ARMC9: variants seen among roughly 807,000 people sequenced by gnomAD.
ARMC9 encodes lisH domain-containing protein ARMC9.
Under a neutral mutation model 107.0 loss-of-function variants are expected in ARMC9, and 94 were observed. The ratio of observed to expected loss-of-function variants is 0.88; its 90% confidence interval spans 0.74 to 1.04. The LOEUF (loss-of-function observed/expected upper bound fraction) is 1.04. ARMC9 is among the 50% of genes least tolerant of loss of function. The pLI, the probability that ARMC9 is intolerant of heterozygous loss-of-function variation, is 0.00. For missense variants in ARMC9, 942 were observed against 1,030.1 expected (o/e 0.91, Z 1.17); for synonymous variants, 380 against 396.9 (o/e 0.96, Z 0.51).
rs559002311 is a variant in ARMC9, at chr2:231,366,960, C to G, written c.2262-2993C>G. Among the ~76,000 whole-genome samples the G allele has an allele frequency of 8.6e-5, 13 of 150,948 alleles. No homozygotes were observed. The East Asian group carries it at 2.2e-3, about 26-fold the overall frequency. On this transcript the variant is annotated intron_variant, in intron 23 of 24. Coordinates refer to ENST00000611582, the MANE Select transcript of ARMC9 (RefSeq NM_001352754.2). ...CTGCCTCCCGGGTTCACGCCATTCT[C>G]CTGCCTCAGCCTCCCGAGTAGCTGG...
At chr2:231,361,339 G>A (rs1030294264) in intron 23 of ARMC9, among the ~76,000 whole-genome samples, 14 of 151,334 alleles carry the variant, frequency 9.3e-5, no homozygotes, top group Admixed American at 5.9e-4. Flanking sequence ...GGTGGCGCAC[G>A]CCTGTAATCC....
At chr2:231,307,682 C>T (rs561164931) in intron 19 of ARMC9, among the ~76,000 whole-genome samples, 2 of 152,316 alleles carry the variant, frequency 1.3e-5, no homozygotes, top group South Asian at 2.1e-4. Flanking sequence ...CCCAAACCCC[C>T]CTTCTTGGTT....
At chr2:231,236,248 G>A (rs1249097936) in intron 8 of ARMC9, among the ~76,000 whole-genome samples, 1 of 152,118 alleles carries the variant, frequency 6.6e-6, no homozygotes, top group Non-Finnish European at 1.5e-5. Context: ...CATTAATCTT[G>A]GGTTTTTTGA....
intron 12 of ARMC9, among the ~76,000 whole-genome samples, chr2:231,265,874 G>T (rs2038812309): frequency 6.6e-6 from 1 of 151,858 alleles, no homozygotes; most frequent in Non-Finnish European, 1.5e-5. Context: ...CATGTATGGT[G>T]GTGTGCACCT....
At chr2:231,228,878 G>A (rs1177927907) in intron 7 of ARMC9, among the ~76,000 whole-genome samples, 1 of 151,988 alleles carries the variant, frequency 6.6e-6, no homozygotes, top group Non-Finnish European at 1.5e-5. Flanking sequence ...TGCAGCTCAT[G>A]TCCCCCTAGC....
chr2:231,347,678 T>G (rs886242461), intron 21 of ARMC9, among the ~76,000 whole-genome samples: 1 of 152,200 alleles, frequency 6.6e-6, no homozygotes, highest in Admixed American at 6.5e-5. Context: ...GCTCATTATT[T>G]CTCCACTGAT....
chr2:231,325,007 T>C (rs141640609), intron 19 of ARMC9, among the ~76,000 whole-genome samples: 40 of 152,092 alleles, frequency 2.6e-4, no homozygotes, highest in African/African-American at 9.4e-4. Flanking sequence ...GTGGATCACT[T>C]GAGCTCAAGA....
intron 3 of ARMC9, among the ~76,000 whole-genome samples, chr2:231,211,984 G>T (rs924188600): frequency 4.6e-5 from 7 of 152,002 alleles, no homozygotes; most frequent in African/African-American, 1.7e-4. Flanking sequence ...AAAATGCCTG[G>T]GTTGAATGAA....
intron 12 of ARMC9, among the ~76,000 whole-genome samples, chr2:231,264,295 C>T (rs1457582610): frequency 6.6e-6 from 1 of 152,094 alleles, no homozygotes; most frequent in Admixed American, 6.5e-5. Flanking sequence ...TCTCCTGCCT[C>T]AGCCTCCCAA....
chr2:231,293,279 G>T (rs79129552), intron 18 of ARMC9, among the ~76,000 whole-genome samples: 2 of 152,258 alleles, frequency 1.3e-5, no homozygotes, highest in East Asian at 1.9e-4. Flanking sequence ...CTGAACCTCA[G>T]TGCTGCCTGA....
At chr2:231,221,250 T>G (rs1228102155) in intron 5 of ARMC9, among the ~76,000 whole-genome samples, 1 of 152,232 alleles carries the variant, frequency 6.6e-6, no homozygotes, top group African/African-American at 2.4e-5. Context: ...CATTGTCCCA[T>G]GGCCGTCTTC....
chr2:231,321,156 A>G (rs2042976016), intron 19 of ARMC9, among the ~76,000 whole-genome samples: 1 of 152,274 alleles, frequency 6.6e-6, no homozygotes, highest in Non-Finnish European at 1.5e-5. Context: ...GTCAAGTGCC[A>G]GGCAGACTCA....
intron 10 of ARMC9, 65 bp from the exon 11 acceptor site, chr2:231,258,926 C>A: frequency 7.2e-7 from 1 of 1,388,240 alleles, no homozygotes. Flanking sequence ...TCATAATGCT[C>A]AGGAGGTGTA....
At chr2:231,206,312 A>T in intron 2 of ARMC9, 23 bp downstream of exon 2, 1 of 1,597,068 alleles carries the variant, frequency 6.3e-7, no homozygotes, top group Non-Finnish European at 8.6e-7. Flanking sequence ...TACAAAGCAG[A>T]GGTCACAGAG....
chr2:231,250,837 C>T (rs1310912895), intron 9 of ARMC9, among the ~76,000 whole-genome samples: 2 of 152,214 alleles, frequency 1.3e-5, no homozygotes, highest in African/African-American at 2.4e-5. Flanking sequence ...CTTTGGGACC[C>T]GACTGCCTGA....
intron 10 of ARMC9, among the ~76,000 whole-genome samples, chr2:231,256,987 G>T (rs1340107425): frequency 6.6e-6 from 1 of 152,114 alleles, no homozygotes; most frequent in African/African-American, 2.4e-5. Flanking sequence ...GGCTAATTTT[G>T]TATTTTTAAT....
chr2:231,232,315 C>T (rs956857351), intron 7 of ARMC9, among the ~76,000 whole-genome samples: 1 of 152,094 alleles, frequency 6.6e-6, no homozygotes, highest in African/African-American at 2.4e-5. Context: ...TGAGCCACTG[C>T]ACCTGGCCAA....
intron 16 of ARMC9, among the ~76,000 whole-genome samples, chr2:231,281,452 T>C (rs2125452280): frequency 6.6e-6 from 1 of 152,214 alleles, no homozygotes; most frequent in South Asian, 2.1e-4. Context: ...CCCTTGAAGA[T>C]CCTGTGTGCC....
chr2:231,333,765 C>T (rs1348881624), intron 20 of ARMC9, among the ~76,000 whole-genome samples: 1 of 152,148 alleles, frequency 6.6e-6, no homozygotes, highest in South Asian at 2.1e-4. Context: ...ACCACACTAC[C>T]GCACAGACAG....
Sources: allele counts gnomAD v4.1 joint callset (sites outside exome capture counted in the v4.1 genomes callset), GRCh38; gene constraint gnomAD v4.1.1; transcripts MANE v1.5; gene names NCBI Gene and HGNC (gene_info 2026-07-23, HGNC 2026-07-21).